NRXN3: variants seen among roughly 807,000 people sequenced by gnomAD.
NRXN3 encodes neurexin III.
In NRXN3, 32 loss-of-function variants were observed where a neutral mutation model predicts 137.6. The ratio of observed to expected loss-of-function variants is 0.23; its 90% CI spans 0.18 to 0.31. The LOEUF (loss-of-function observed/expected upper bound fraction) is 0.31, where lower values mean the gene tolerates loss of function less well. Ranked by LOEUF, NRXN3 falls within the 10% of genes least tolerant of loss-of-function variation. The probability of loss-of-function intolerance (pLI) is 1.00; values close to 1 mark genes in which losing one functional copy is unlikely to be tolerated. For synonymous variants in NRXN3, 798 were observed against 784.5 expected (o/e 1.02, Z -0.29); for missense variants, 1,574 against 2,062.5 (o/e 0.76, Z 4.59).
intron 4 of NRXN3, among the ~76,000 whole-genome samples, chr14:78,496,054 C>T (rs2095777535): frequency 6.6e-6 from 1 of 152,158 alleles, no homozygotes; most frequent in Non-Finnish European, 1.5e-5. Flanking sequence ...ATGGGGACCA[C>T]ATTGAAGAAA....
intron 15 of NRXN3, among the ~76,000 whole-genome samples, chr14:79,100,218 G>A (rs1483722907): frequency 6.6e-6 from 1 of 152,180 alleles, no homozygotes; most frequent in Admixed American, 6.5e-5. Context: ...TTTAGCGACT[G>A]CAGTGACAGT....
intron 8 of NRXN3, among the ~76,000 whole-genome samples, chr14:78,723,096 C>T (rs952266978): frequency 1.3e-5 from 2 of 152,110 alleles, no homozygotes; most frequent in Admixed American, 1.3e-4. Flanking sequence ...GGCCAGCCAG[C>T]CATGAAACAC....
At chr14:78,417,329 C>T (rs1324848315) in intron 4 of NRXN3, among the ~76,000 whole-genome samples, 1 of 152,238 alleles carries the variant, frequency 6.6e-6, no homozygotes, top group Non-Finnish European at 1.5e-5. Context: ...GAGATGTGCT[C>T]TCCCAGCTTC....
chr14:79,587,362 C>T (rs1031516440), intron 16 of NRXN3, among the ~76,000 whole-genome samples: 3 of 152,132 alleles, frequency 2.0e-5, no homozygotes, highest in Non-Finnish European at 2.9e-5. Flanking sequence ...AGATCTTTGT[C>T]GTTTTCACCA....
At chr14:79,257,771 A>G (rs1303074877) in intron 15 of NRXN3, among the ~76,000 whole-genome samples, 5 of 151,940 alleles carry the variant, frequency 3.3e-5, no homozygotes, top group South Asian at 4.2e-4. Context: ...ACCTTTGTAC[A>G]AGTAACATTT....
intron 11 of NRXN3, among the ~76,000 whole-genome samples, chr14:78,962,971 C>G (rs2099411022): frequency 6.6e-6 from 1 of 152,112 alleles, no homozygotes; most frequent in Admixed American, 6.6e-5. Context: ...CTCGACCTCC[C>G]AAGCCAATTC....
intron 17 of NRXN3, among the ~76,000 whole-genome samples, chr14:79,665,472 C>A (rs1343757178): frequency 2.0e-5 from 3 of 152,138 alleles, no homozygotes; most frequent in East Asian, 3.9e-4. Context: ...TTTTTAAATG[C>A]TTCCTGCTTA....
At chr14:79,396,419 TTA>T (rs1243350771) in intron 15 of NRXN3, among the ~76,000 whole-genome samples, 1 of 152,172 alleles carries the variant, frequency 6.6e-6, no homozygotes, top group Non-Finnish European at 1.5e-5. Context: ...CCTTGTTTGA[TTA>T]TGAGAACCAC....
At chr14:78,965,266 G>C (rs576220560) in intron 11 of NRXN3, among the ~76,000 whole-genome samples, 15 of 152,262 alleles carry the variant, frequency 9.9e-5, no homozygotes, top group Admixed American at 2.6e-4. Context: ...TGTGAAACTT[G>C]TTAGAAATGC....
intron 19 of NRXN3, among the ~76,000 whole-genome samples, chr14:79,737,453 C>T (rs939524252): frequency 6.6e-6 from 1 of 152,170 alleles, no homozygotes; most frequent in Non-Finnish European, 1.5e-5. Context: ...TGATTAAAAA[C>T]ATTAACTATA....
chr14:79,821,755 A>C (rs746134517), intron 20 of NRXN3, among the ~76,000 whole-genome samples: 28 of 147,724 alleles, frequency 1.9e-4, no homozygotes, highest in Non-Finnish European at 3.0e-5. Context: ...TGAATTTTAG[A>C]GTTCATTGTA....
At chr14:78,893,436 T>C (rs1218688520) in intron 10 of NRXN3, among the ~76,000 whole-genome samples, 1 of 151,962 alleles carries the variant, frequency 6.6e-6, no homozygotes, top group Non-Finnish European at 1.5e-5. Flanking sequence ...CCGAATCTCC[T>C]GTTGGTTGAA....
At chr14:78,680,143 A>G (rs187233653) in intron 6 of NRXN3, among the ~76,000 whole-genome samples, 52 of 152,260 alleles carry the variant, frequency 3.4e-4, no homozygotes, top group Non-Finnish European at 4.4e-5. Flanking sequence ...AAAACCAAAT[A>G]CTGCATATTC....
intron 10 of NRXN3, among the ~76,000 whole-genome samples, chr14:78,893,081 G>C (rs1178718009): frequency 6.6e-6 from 1 of 151,726 alleles, no homozygotes; most frequent in African/African-American, 2.4e-5. Context: ...CAGCATTGTG[G>C]GCACCTGCTT....
intron 15 of NRXN3, among the ~76,000 whole-genome samples, chr14:79,271,939 G>T (rs2079393276): frequency 6.6e-6 from 1 of 152,168 alleles, no homozygotes; most frequent in Non-Finnish European, 1.5e-5. Context: ...TTGTACAGTT[G>T]AGGAAGCAGG....
chr14:79,469,442 A>C (rs1319788462), intron 16 of NRXN3, among the ~76,000 whole-genome samples: 1 of 152,176 alleles, frequency 6.6e-6, no homozygotes, highest in African/African-American at 2.4e-5. Context: ...AATACTCTAA[A>C]CATACTTTGA....
At chr14:79,303,061 A>G (rs941193979) in intron 15 of NRXN3, among the ~76,000 whole-genome samples, 7 of 152,016 alleles carry the variant, frequency 4.6e-5, no homozygotes, top group African/African-American at 1.7e-4. Flanking sequence ...GAGGTTAAGT[A>G]ACTTACCCAA....
At chr14:78,363,540 A>T (rs2085449866) in intron 4 of NRXN3, among the ~76,000 whole-genome samples, 2 of 152,312 alleles carry the variant, frequency 1.3e-5, no homozygotes, top group Admixed American at 1.3e-4. Flanking sequence ...ATACAGGTTG[A>T]TTAAATTACT....
chr14:78,352,570 AG>A (rs2083691751), intron 4 of NRXN3, among the ~76,000 whole-genome samples: 1 of 151,462 alleles, frequency 6.6e-6, no homozygotes, highest in African/African-American at 2.4e-5. Flanking sequence ...GGGGTTGGGG[AG>A]GGGTGTGGGA....
Sources: gnomAD v4.1 joint callset for allele counts (sites outside exome capture counted in the v4.1 genomes callset) on GRCh38, gnomAD v4.1.1 for gene constraint, MANE v1.5 for transcripts, NCBI Gene and HGNC (gene_info 2026-07-23, HGNC 2026-07-21) for gene names.